EPHB6: variants seen among roughly 807,000 people sequenced by gnomAD.
EPHB6 encodes EPH receptor B6.
In EPHB6, 51 loss-of-function variants were observed where a neutral mutation model predicts 107.0. The ratio of observed to expected loss-of-function variants is 0.48; its 90% confidence interval spans 0.38 to 0.60. EPHB6 has a LOEUF of 0.60. Among genes scored for constraint, EPHB6 ranks in the 20% least tolerant of loss-of-function variants. EPHB6 has a pLI of 0.00. For missense variants in EPHB6, 1,141 were observed against 1,355.5 expected (o/e 0.84, Z 2.48); for synonymous variants, 553 against 549.0 (o/e 1.01, Z -0.10).
Position 142,868,160 on chromosome 7 carries a change from G to A in EPHB6, c.1919-81G>A. 6.2e-7 allele frequency: 1 copy of A among 1,613,956 alleles called. No homozygotes were observed. Among genetic ancestry groups the A allele is most frequent in the Non-Finnish European group, 8.5e-7 (1 of 1,179,908 alleles). ...GGGGAGCTCCTTGGCACAACCTTCT[G>A]GAGGTAAGTGGGCATGTCTGGGGTG... On this transcript the variant is annotated intron_variant, in intron 13 of 19. Coordinates refer to ENST00000652003, the MANE Select transcript of EPHB6 (RefSeq NM_004445.6). This position sits in a 1 kb window ranked among gnomAD's most constrained non-coding sequence, Gnocchi z 4.2.
At position 142,860,693 on chromosome 7, in the gene EPHB6, C is replaced by T. The variant is rs181044581; in HGVS notation, c.-431-359C>T. On this transcript the variant is annotated intron_variant, in intron 1 of 19. Transcript: ENST00000652003. ...AGGCTGTAAATTGAACTCTCTATTT[C>T]ACAAATAGGGTTAAAGATGTATAAA... Among the ~76,000 whole-genome samples the T allele has an allele frequency of 1.9e-3, 288 of 152,258 alleles. 2 individuals are homozygous for T. The highest frequency in any genetic ancestry group is 3.8e-3 in the Non-Finnish European group (258 of 68,022).
In EPHB6 at chr7:142,858,456, G is replaced by A. The variant is rs1802701438; in HGVS notation, c.-431-2596G>A. ...TTTTTTTTTTTTTTTTTTTTTTTGA[G>A]ACAGCATCTTGCTCTGTCGCCGAGG... On this transcript the variant is annotated intron_variant, in intron 1 of 19. Coordinates refer to ENST00000652003, the MANE Select transcript of EPHB6 (RefSeq NM_004445.6). Among the ~76,000 whole-genome samples, 3 of 72,264 alleles carry A rather than the reference G, an allele frequency of 4.2e-5. No individual in the cohort carries two copies. In the Admixed American group the frequency reaches 6.9e-4, roughly 17 times the overall value. 47.4% of individuals were successfully genotyped at this position (72,264 alleles called of 152,430 possible).
intron 5 of EPHB6, 139 bp from the exon 6 acceptor site, chr7:142,863,492 C>G: frequency 5.7e-6 from 7 of 1,230,920 alleles, no homozygotes; most frequent in Non-Finnish European, 8.3e-6. Context: ...GAGAAAGGAC[C>G]CTGATGGACA....
At chr7:142,863,600 G>T in intron 5 of EPHB6, 31 bp from the exon 6 acceptor site, 1 of 1,611,668 alleles carries the variant, frequency 6.2e-7, no homozygotes. Flanking sequence ...TGGAGGCTTG[G>T]CCACTGTGTG....
At position 142,867,922 on chromosome 7, in the gene EPHB6, G is replaced by C; in HGVS notation, c.1866-75G>C. 1 of 1,543,786 alleles carries C rather than the reference G, an allele frequency of 6.5e-7. No homozygotes were observed. The highest frequency in any genetic ancestry group is 8.8e-7 in the Non-Finnish European group (1 of 1,141,946). ...CCCTCCACAGACCGACTAAAGAGCA[G>C]TCTGGAGGGTGACAAGGGGGCAGCA... On this transcript the variant is annotated intron_variant, in intron 12 of 19. Coordinates refer to ENST00000652003, the MANE Select transcript of EPHB6 (RefSeq NM_004445.6). This position sits in a 1 kb window ranked among gnomAD's most constrained non-coding sequence, Gnocchi z 5.3.
rs1469509217 is a variant in EPHB6, at chr7:142,864,434, G to A, written c.634G>A (p.Val212Met). The change falls in exon 7 of 20, where the codon GTG (valine) becomes ATG (methionine). Residue 212 changes from valine to methionine, a missense_variant. Transcript: ENST00000652003. The stretch of plus-strand genomic sequence containing the variant: ...GCCTCTCACCCAACGCGGCTTCTAC[G>A]TGGCCTTCCAGGACACGGGGGCCTG... ...FGPLTQRGFY[V>M]AFQDTGACLA... The A allele has an allele frequency of 1.2e-6, 2 of 1,612,200 alleles. No individual in the cohort carries two copies. Among genetic ancestry groups the A allele is most frequent in the East Asian group, 2.2e-5 (1 of 44,854 alleles).
rs1224080485 is a variant in EPHB6, at chr7:142,863,443, G to T, written c.100+116G>T. On this transcript the variant is annotated intron_variant, in intron 5 of 19. Transcript: ENST00000652003. ...AGTGAAGACATCAATAAAGGGAAAG[G>T]CATGGTGAGGATAATGAAGACCCAC... 6 of 1,209,144 alleles carry T rather than the reference G, an allele frequency of 5.0e-6. No homozygotes were observed. In the Admixed American group the frequency reaches 8.7e-5, roughly 18 times the overall value. 74.9% of individuals were successfully genotyped at this position (1,209,144 alleles called of 1,614,324 possible).
chr7:142,869,252 G>C lies in EPHB6; in HGVS notation c.2460+105G>C. The C allele has an allele frequency of 7.5e-7, 1 of 1,327,770 alleles. No individual in the cohort carries two copies. The highest frequency in any genetic ancestry group is 2.3e-5 in the East Asian group (1 of 42,648). The allele number at this position is 1,327,770 out of a possible 1,614,324, so 82.2% of individuals were successfully genotyped here. On this transcript the variant is annotated intron_variant, in intron 16 of 19. Coordinates refer to ENST00000652003, the MANE Select transcript of EPHB6 (RefSeq NM_004445.6). The surrounding 1 kb of genome is among the most constrained non-coding windows in gnomAD (Gnocchi z 4.5). ...ATCTGGGGTAGGTACCTCAGCCGGG[G>C]TGTCATAGTCCCTGAAAGGAGGGAG...
Position 142,864,095 on chromosome 7 carries a change from G to A in EPHB6, c.295G>A (p.Gly99Arg), listed in dbSNP as rs375010348. Residue 99 changes from glycine to arginine, a missense_variant, in exon 7 of 20, where the codon GGG becomes AGG. Physicochemically the swap from Gly to Arg is moderately radical, Grantham distance 125. Transcript: ENST00000652003. ...GCAGACACACTTTGTGGAGCGGCGC[G>A]GGGCCCAGAGGGCGCACATTCGACT... ...WLQTHFVERR[G>R]AQRAHIRLHF... The A allele has an allele frequency of 2.6e-5, 42 of 1,613,894 alleles. No individual in the cohort carries two copies. Among genetic ancestry groups the A allele is most frequent in the African/African-American group, 9.3e-5 (7 of 74,926 alleles).
rs766992201 is a variant in EPHB6, at chr7:142,864,203, G to A, written c.403G>A (p.Ala135Thr). 1.9e-6 allele frequency: 3 copies of A among 1,613,886 alleles called. No homozygotes were observed. In the Admixed American group the frequency reaches 5.0e-5, roughly 27 times the overall value. The stretch of plus-strand genomic sequence containing the variant: ...GACCTTCACCCTTTACTACCGTCAG[G>A]CTGAGGAGCCCGACAGCCCTGACAG... ...RETFTLYYRQ[A>T]EEPDSPDSVS... The change falls in exon 7 of 20, where the codon GCT becomes ACT. Residue 135 changes from alanine (A) to threonine (T), a missense_variant. Around this residue, in one of 3 missense-constraint regions of EPHB6, gnomAD observed 221 missense variants for 300.5 expected, o/e 0.74. Transcript: ENST00000652003.
chr7:142,867,204 T>C lies in EPHB6; in HGVS notation c.1750+136T>C. ...GTTCTGTGGGAAAGGAGAGTGCCTT[T>C]TGCTCAGCAGCTGACCTAGGGGCTA... On this transcript the variant is annotated intron_variant, in intron 11 of 19. Transcript: ENST00000652003. The surrounding 1 kb of genome is among the most constrained non-coding windows in gnomAD (Gnocchi z 5.3). 1 of 1,160,660 alleles carries C rather than the reference T, an allele frequency of 8.6e-7. No homozygotes were observed. The allele number at this position is 1,160,660 out of a possible 1,614,324, so 71.9% of individuals were successfully genotyped here. A position where few individuals can be genotyped will look rare whatever the true frequency, so the allele number is the denominator to read the frequency against.
chr7:142,855,650 T>C lies in EPHB6; in HGVS notation c.-432+265T>C, dbSNP rs1269614501. On this transcript the variant is annotated intron_variant, in intron 1 of 19. Coordinates refer to ENST00000652003, the MANE Select transcript of EPHB6 (RefSeq NM_004445.6). The surrounding 1 kb of genome is among the most constrained non-coding windows in gnomAD (Gnocchi z 4.2). ...TGCTGTTAGGATCCCCCAGTTGCGT[T>C]CCCAGACATTCTCCTCTGGCTCTGG... 6.6e-6 allele frequency among the ~76,000 whole-genome samples: 1 copy of C among 152,110 alleles called. No homozygotes were observed. Among genetic ancestry groups the C allele is most frequent in the Admixed American group, 6.5e-5 (1 of 15,286 alleles).
Position 142,863,347 on chromosome 7 carries a change from G to A in EPHB6, c.100+20G>A. ...TGGAAGGTAAGAGGGAGGGGAGACA[G>A]GAGAACCCAGACCTGCCATAGAGAC... On this transcript the variant is annotated intron_variant, in intron 5 of 19. Transcript: ENST00000652003. 1 of 1,609,542 alleles carries A rather than the reference G, an allele frequency of 6.2e-7. No individual in the cohort carries two copies. The highest frequency in any genetic ancestry group is 8.5e-7 in the Non-Finnish European group (1 of 1,175,962).
Position 142,870,318 on chromosome 7 carries a change from G to A in EPHB6, c.2715G>A (p.Arg905=). 1.2e-6 allele frequency: 2 copies of A among 1,614,224 alleles called. No homozygotes were observed. The highest frequency in any genetic ancestry group is 1.7e-6 in the Non-Finnish European group (2 of 1,180,046). ...ACACTTGGCAGAAGGACCGTGCCCG[G>A]CGGCCTCATTTTGACCAGCTGGTGG... ...MLDTWQKDRA[R]RPHFDQLVAA... The change falls in exon 18 of 20, where the codon CGG becomes CGA. Residue 905 remains arginine, a synonymous_variant. Coordinates refer to ENST00000652003, the MANE Select transcript of EPHB6 (RefSeq NM_004445.6).
At position 142,869,178 on chromosome 7, in the gene EPHB6, G is replaced by C. The variant is rs775256846; in HGVS notation, c.2460+31G>C. The C allele has an allele frequency of 1.2e-6, 2 of 1,604,566 alleles. No individual in the cohort carries two copies. The highest frequency in any genetic ancestry group is 1.7e-6 in the Non-Finnish European group (2 of 1,174,438). ...AGCACAGCCTTGGGGACACAGCCTG[G>C]GGCCTTGTGGCATGCCCCAGCAGGT... On this transcript the variant is annotated intron_variant, in intron 16 of 19. Transcript: ENST00000652003. This position sits in a 1 kb window ranked among gnomAD's most constrained non-coding sequence, Gnocchi z 4.5.
At position 142,864,295 on chromosome 7, in the gene EPHB6, C is replaced by A. The variant is rs1204576576; in HGVS notation, c.495C>A (p.Pro165=). 6,414 of 50,278 alleles carry A rather than the reference C, an allele frequency of 0.13. 230 individuals are homozygous for A. Among genetic ancestry groups the A allele is most frequent in the Admixed American group, 0.23 (316 of 1,394 alleles). The allele number at this position is 50,278 out of a possible 1,614,324, so 3.1% of individuals were successfully genotyped here. A position where few individuals can be genotyped will look rare whatever the true frequency, so the allele number is the denominator to read the frequency against. Residue 165 remains proline, a synonymous_variant, in exon 7 of 20, where the codon CCC becomes CCA. Coordinates refer to ENST00000652003, the MANE Select transcript of EPHB6 (RefSeq NM_004445.6). ...CAATTGCAGCAGACGAGAGCTTTCC[C>A]TCCTCCTCCTCCTCCTCCTCCTCCT... ...VDTIAADESF[P]SSSSSSSSSS...
intron 8 of EPHB6, 50 bp downstream of exon 8, chr7:142,865,680 C>A: frequency 6.2e-7 from 1 of 1,602,672 alleles, no homozygotes; most frequent in East Asian, 2.2e-5. Context: ...GGAGAGGGGC[C>A]AGAAGTGGGG....
At position 142,866,983 on chromosome 7, in the gene EPHB6, C is replaced by T; in HGVS notation, c.1665C>T (p.His555=). The stretch of plus-strand genomic sequence containing the variant: ...CCGTGACACAGCTGAGCCCTGGCCA[C>T]ATCTATGGTTTCCAGGTGCGGGCCC... The part of the protein sequence containing the change: ...TATVTQLSPG[H]IYGFQVRART... The change falls in exon 11 of 20, where the codon CAC becomes CAT. Residue 555 remains histidine (H), a synonymous_variant. Transcript: ENST00000652003. The surrounding 1 kb of genome is among the most constrained non-coding windows in gnomAD (Gnocchi z 5.2). The T allele has an allele frequency of 6.2e-7, 1 of 1,614,098 alleles. No homozygotes were observed. The highest frequency in any genetic ancestry group is 1.1e-5 in the South Asian group (1 of 91,064).
Position 142,868,688 on chromosome 7 carries a change from C to T in EPHB6, c.2235C>T (p.Leu745=), listed in dbSNP as rs191390909. The T allele has an allele frequency of 3.1e-6, 5 of 1,613,996 alleles. No individual in the cohort carries two copies. Among genetic ancestry groups the T allele is most frequent in the Non-Finnish European group, 4.2e-6 (5 of 1,180,028 alleles). The change falls in exon 15 of 20, where the codon CTC becomes CTT. Residue 745 remains leucine, a synonymous_variant. Transcript: ENST00000652003. This position sits in a 1 kb window ranked among gnomAD's most constrained non-coding sequence, Gnocchi z 4.2. The stretch of plus-strand genomic sequence containing the variant: ...GCGTGGTCACCAAGAGCCGACCCCT[C>T]ATGGTGCTGACGGAGTTCATGGAGC... ...LEGVVTKSRP[L]MVLTEFMELG... is the part of the protein sequence containing the mutation.
Sources: gnomAD v4.1 joint callset for allele counts (sites outside exome capture counted in the v4.1 genomes callset) on GRCh38, gnomAD v4.1.1 for gene constraint, gnomAD v4.1.1 regional missense constraint, Gnocchi (gnomAD v3.1) non-coding constraint, MANE v1.5 for transcripts, NCBI Gene and HGNC (gene_info 2026-07-23, HGNC 2026-07-21) for gene names.